The following INPP5D variants were observed in gnomAD, a reference collection of about 807,000 sequenced individuals.
INPP5D encodes inositol polyphosphate-5-phosphatase D, also known as phosphatidylinositol 3,4,5-trisphosphate 5-phosphatase 1.
Under a neutral mutation model 122.9 loss-of-function variants are expected in INPP5D, and 33 were observed. The ratio of observed to expected loss-of-function variants is 0.27; its 90% CI spans 0.20 to 0.36. The LOEUF is 0.36. Among genes scored for constraint, INPP5D ranks in the 10% least tolerant of loss-of-function variants. The pLI is 1.00. For missense variants in INPP5D, 1,053 were observed against 1,412.7 expected (o/e 0.75, Z 4.08); for synonymous variants, 584 against 576.2 (o/e 1.01, Z -0.19).
intron 1 of INPP5D, among the ~76,000 whole-genome samples, chr2:233,071,237 C>T (rs1691377707): frequency 6.6e-6 from 1 of 151,712 alleles, no homozygotes; most frequent in Non-Finnish European, 1.5e-5. Context: ...TGCAGTGAGC[C>T]AAGATTGTGC....
chr2:233,202,767 A>G (rs113422235), intron 25 of INPP5D, among the ~76,000 whole-genome samples: 4 of 152,346 alleles, frequency 2.6e-5, no homozygotes, highest in African/African-American at 9.6e-5. Flanking sequence ...TCGTTCTCAT[A>G]GTTTGCTCAG....
chr2:233,179,505 A>G (rs1446994231), intron 18 of INPP5D, among the ~76,000 whole-genome samples: 1 of 152,176 alleles, frequency 6.6e-6, no homozygotes, highest in Non-Finnish European at 1.5e-5. Flanking sequence ...GAGAAAGAGG[A>G]GGGAGATCAG....
Position 233,139,248 on chromosome 2 carries a change from A to G in INPP5D, c.666-594A>G, listed in dbSNP as rs993523294. 8.7e-4 allele frequency among the ~76,000 whole-genome samples: 133 copies of G among 152,348 alleles called. 3 individuals carry two copies. The highest frequency in any genetic ancestry group is 2.9e-3 in the African/African-American group (122 of 41,578). Reference sequence around the variant, plus strand: ...GTCTGCCCCACTATGTTAAAACAATAGAGAAAGATGAGCTGGGAACAAAGA... The same window carrying G: ...GTCTGCCCCACTATGTTAAAACAATGGAGAAAGATGAGCTGGGAACAAAGA... On this transcript the variant is annotated intron_variant, in intron 5 of 26. Coordinates refer to ENST00000445964, the MANE Select transcript of INPP5D (RefSeq NM_001017915.3).
chr2:233,084,659 C>A (rs540627994), intron 2 of INPP5D, among the ~76,000 whole-genome samples: 1 of 152,334 alleles, frequency 6.6e-6, no homozygotes, highest in East Asian at 1.9e-4. Flanking sequence ...CGAGTGGCAG[C>A]TGTTATTGTT....
At position 233,175,914 on chromosome 2, in the gene INPP5D, T is replaced by C. The variant is rs1199351694; in HGVS notation, c.1990-1351T>C. On this transcript the variant is annotated intron_variant, in intron 17 of 26. Coordinates refer to ENST00000445964, the MANE Select transcript of INPP5D (RefSeq NM_001017915.3). ...TCAGGGTGGTCTCGAACTCCCGACC[T>C]CAGGTGATCCACCCGCCTTGGCCTC... Among the ~76,000 whole-genome samples the C allele has an allele frequency of 4.6e-5, 7 of 152,280 alleles. No individual in the cohort carries two copies. In the East Asian group the frequency reaches 1.4e-3, roughly 29 times the overall value.
At chr2:233,081,087 G>T (rs936345640) in intron 2 of INPP5D, among the ~76,000 whole-genome samples, 8 of 152,356 alleles carry the variant, frequency 5.3e-5, no homozygotes, top group South Asian at 2.1e-4. Flanking sequence ...GCGCCCGCAG[G>T]TTTGGCCTGG....
chr2:233,166,070 C>T (rs568025680), intron 13 of INPP5D, among the ~76,000 whole-genome samples: 9 of 152,260 alleles, frequency 5.9e-5, no homozygotes, highest in Admixed American at 2.6e-4. Flanking sequence ...AAACTGCCCG[C>T]GTCCACCCCC....
intron 2 of INPP5D, among the ~76,000 whole-genome samples, chr2:233,081,521 C>G (rs1443034316): frequency 6.6e-6 from 1 of 152,120 alleles, no homozygotes; most frequent in African/African-American, 2.4e-5. Flanking sequence ...AATGTGTAGA[C>G]TGCGTCTCCG....
At chr2:233,086,245 C>A (rs765595537) in intron 2 of INPP5D, among the ~76,000 whole-genome samples, 4 of 150,484 alleles carry the variant, frequency 2.7e-5, no homozygotes, top group Admixed American at 6.7e-5. Flanking sequence ...ATGGCATGAT[C>A]TCGGCTCACC....
intron 2 of INPP5D, among the ~76,000 whole-genome samples, chr2:233,087,236 C>CA (rs1432457960): frequency 6.6e-6 from 1 of 152,174 alleles, no homozygotes; most frequent in Admixed American, 6.5e-5. Flanking sequence ...ATAGTCACCC[C>CA]ACCCTTCACC....
intron 2 of INPP5D, among the ~76,000 whole-genome samples, chr2:233,112,219 T>C (rs184715192): frequency 2.0e-5 from 3 of 152,354 alleles, no homozygotes. Context: ...CGGTTATTAA[T>C]TGGCATTCCA....
intron 9 of INPP5D, among the ~76,000 whole-genome samples, chr2:233,155,636 AAAT>A (rs1694030781): frequency 7.5e-5 from 1 of 13,278 alleles, no homozygotes; most frequent in African/African-American, 1.2e-4. Context: ...ATAAATAAAT[AAAT>A]AAATAAATAA....
At chr2:233,104,701 A>G (rs1250889821) in intron 2 of INPP5D, among the ~76,000 whole-genome samples, 2 of 152,136 alleles carry the variant, frequency 1.3e-5, no homozygotes, top group African/African-American at 2.4e-5. Flanking sequence ...GAGAGGCTTG[A>G]GTTGAGGACT....
At chr2:233,136,022 T>A (rs1693456512) in intron 5 of INPP5D, among the ~76,000 whole-genome samples, 1 of 152,138 alleles carries the variant, frequency 6.6e-6, no homozygotes, top group Non-Finnish European at 1.5e-5. Context: ...CCTTCTAAAT[T>A]ACAGCTAATT....
At position 233,170,138 on chromosome 2, in the gene INPP5D, A is replaced by C; in HGVS notation, c.1765A>C (p.Asn589His). Residue 589 changes from asparagine (N) to histidine (H), a missense_variant, in exon 15 of 27, where the codon AAC becomes CAC. Asn to His is a moderately conservative substitution (Grantham distance 68, BLOSUM62 1). This residue lies in a region of INPP5D where 258 missense variants were observed against 439.1 expected (regional missense o/e 0.59). Coordinates refer to ENST00000445964, the MANE Select transcript of INPP5D (RefSeq NM_001017915.3). The surrounding 1 kb of genome is among the most constrained non-coding windows in gnomAD (Gnocchi z 4.5). The stretch of plus-strand genomic sequence containing the variant: ...GCACCTCTTCTGGTTTGGGGATCTT[A>C]ACTACCGTGTGGATCTGCCTACCTG... ...FTHLFWFGDL[N>H]YRVDLPTWEA... 1 of 1,613,978 alleles carries C rather than the reference A, an allele frequency of 6.2e-7. No homozygotes were observed. The highest frequency in any genetic ancestry group is 8.5e-7 in the Non-Finnish European group (1 of 1,179,888).
intron 2 of INPP5D, among the ~76,000 whole-genome samples, chr2:233,102,711 G>A (rs545730586): frequency 1.5e-4 from 22 of 146,088 alleles, no homozygotes; most frequent in Non-Finnish European, 2.1e-4. Flanking sequence ...TTAGCTGGAC[G>A]TGGTGGCGGG....
intron 2 of INPP5D, among the ~76,000 whole-genome samples, chr2:233,117,108 G>A (rs113568691): frequency 3.3e-5 from 5 of 152,276 alleles, no homozygotes; most frequent in African/African-American, 4.8e-5. Context: ...ATCATGTCCC[G>A]GCTGACTTGG....
At chr2:233,194,488 CTTTTTTT>C (rs544200839) in intron 23 of INPP5D, among the ~76,000 whole-genome samples, 46,631 of 88,174 alleles carry the variant, frequency 0.53, 12,046 homozygotes, top group South Asian at 0.66. Context: ...TTCTAAACTG[CTTTTTTT>C]TTTTTTTTTT....
intron 1 of INPP5D, among the ~76,000 whole-genome samples, chr2:233,064,503 C>T (rs1290525494): frequency 6.6e-6 from 1 of 152,228 alleles, no homozygotes; most frequent in Non-Finnish European, 1.5e-5. Context: ...TTCCAAAGAG[C>T]TCTGTGCCAG....
Sources: allele counts gnomAD v4.1 joint callset (sites outside exome capture counted in the v4.1 genomes callset), GRCh38; gene constraint gnomAD v4.1.1; regional missense constraint gnomAD v4.1.1; non-coding constraint Gnocchi (gnomAD v3.1); transcripts MANE v1.5; gene names NCBI Gene and HGNC (gene_info 2026-07-23, HGNC 2026-07-21).